The following DDAH1 variants were observed in gnomAD, a reference collection of about 807,000 sequenced individuals.
DDAH1 encodes the protein N(G),N(G)-dimethylarginine dimethylaminohydrolase 1.
A neutral mutation model predicts 28.8 loss-of-function variants in DDAH1; 19 were observed. The ratio of observed to expected loss-of-function variants is 0.66; its 90% CI spans 0.46 to 0.97. The LOEUF is 0.97. DDAH1 is among the 50% of genes least tolerant of loss of function. The probability of loss-of-function intolerance (pLI) is 0.00; values close to 1 mark genes in which losing one functional copy is unlikely to be tolerated. For synonymous variants in DDAH1, 153 were observed against 154.4 expected, an observed-to-expected ratio of 0.99 and a Z score of 0.07; for missense variants, 326 against 375.9, an observed-to-expected ratio of 0.87 and a Z score of 1.10.
At chr1:85,571,418 A>G (rs989984508) in intron 1 of DDAH1, among the ~76,000 whole-genome samples, 2 of 152,092 alleles carry the variant, frequency 1.3e-5, no homozygotes, top group African/African-American at 4.8e-5. Flanking sequence ...CACTAACAAG[A>G]CCTCACATCT....
intron 1 of DDAH1, among the ~76,000 whole-genome samples, chr1:85,394,695 T>G (rs898606174): frequency 2.6e-5 from 4 of 152,232 alleles, no homozygotes; most frequent in Admixed American, 2.6e-4. Flanking sequence ...AGTGGCCAGC[T>G]TTGTTTAACG....
At chr1:85,399,453 C>T (rs1651967866) in intron 1 of DDAH1, 1 of 152,224 alleles carries the variant, frequency 6.6e-6, no homozygotes. Flanking sequence ...GAAAGCATGA[C>T]TGAAAGGGGA....
At chr1:85,415,023 T>G (rs1652828965) in intron 1 of DDAH1, among the ~76,000 whole-genome samples, 2 of 136,130 alleles carry the variant, frequency 1.5e-5, no homozygotes, top group African/African-American at 5.6e-5. Flanking sequence ...TTTTTTTTTT[T>G]TTTTTTTTTG....
intron 1 of DDAH1, among the ~76,000 whole-genome samples, chr1:85,440,646 G>C (rs968841633): frequency 2.6e-5 from 4 of 152,144 alleles, no homozygotes; most frequent in Non-Finnish European, 5.9e-5. Flanking sequence ...CAGGGGCTTT[G>C]GTTTTTAATG....
intron 1 of DDAH1, among the ~76,000 whole-genome samples, chr1:85,463,430 G>T (rs1292549073): frequency 6.6e-6 from 1 of 152,202 alleles, no homozygotes; most frequent in Non-Finnish European, 1.5e-5. Flanking sequence ...GAACGCATTA[G>T]AAAGTATTCA....
chr1:85,356,591 A>C (rs1050012594), intron 2 of DDAH1, among the ~76,000 whole-genome samples: 9 of 152,248 alleles, frequency 5.9e-5, no homozygotes, highest in African/African-American at 2.2e-4. Flanking sequence ...GAAAAGTGAC[A>C]AGTAGAAAAT....
chr1:85,446,586 C>T (rs1654437281), intron 1 of DDAH1, among the ~76,000 whole-genome samples: 1 of 152,152 alleles, frequency 6.6e-6, no homozygotes. Context: ...CCTTTGGCAA[C>T]ATCACGCCAA....
At chr1:85,356,042 C>G (rs1274576995) in intron 2 of DDAH1, among the ~76,000 whole-genome samples, 3 of 152,162 alleles carry the variant, frequency 2.0e-5, no homozygotes, top group Non-Finnish European at 2.9e-5. Flanking sequence ...TACTTGAGGT[C>G]AGGGGAGAGG....
chr1:85,504,920 G>A (rs911833122), intron 1 of DDAH1, among the ~76,000 whole-genome samples: 1 of 147,666 alleles, frequency 6.8e-6, no homozygotes, highest in African/African-American at 2.5e-5. Flanking sequence ...CCAGGGAGGG[G>A]TCTGGTAAGC....
intron 1 of DDAH1, among the ~76,000 whole-genome samples, chr1:85,429,392 C>T (rs180914193): frequency 1.3e-4 from 20 of 152,318 alleles, no homozygotes; most frequent in Middle Eastern, 3.4e-3. Flanking sequence ...ATATGTGCCA[C>T]ATTTTCTTTA....
At chr1:85,408,073 T>C (rs1326567681) in intron 1 of DDAH1, among the ~76,000 whole-genome samples, 1 of 152,228 alleles carries the variant, frequency 6.6e-6, no homozygotes, top group Non-Finnish European at 1.5e-5. Context: ...TTAGACGCAT[T>C]GCACTACTTT....
chr1:85,486,879 T>C (rs1224985598), intron 2 of DDAH1, among the ~76,000 whole-genome samples: 1 of 152,224 alleles, frequency 6.6e-6, no homozygotes, highest in Non-Finnish European at 1.5e-5. Flanking sequence ...GGTAGAGAGA[T>C]AGGCTGAAGC....
chr1:85,527,978 T>C (rs1421666590), intron 1 of DDAH1, among the ~76,000 whole-genome samples: 2 of 152,178 alleles, frequency 1.3e-5, no homozygotes, highest in Admixed American at 1.3e-4. Context: ...ATTTGTAAAT[T>C]TGTTAAAGCT....
At chr1:85,568,756 CA>C (rs1659375295) in intron 1 of DDAH1, among the ~76,000 whole-genome samples, 1 of 152,126 alleles carries the variant, frequency 6.6e-6, no homozygotes, top group Admixed American at 6.6e-5. Context: ...TATATCCAAG[CA>C]GAGAAAAACA....
At chr1:85,555,329 G>C (rs1285514159) in intron 1 of DDAH1, among the ~76,000 whole-genome samples, 1 of 152,220 alleles carries the variant, frequency 6.6e-6, no homozygotes. Context: ...TTTATCGTCT[G>C]TCAGCCAAGT....
At position 85,476,965 on chromosome 1, in the gene DDAH1, A is replaced by G. The variant is rs1412176964; in HGVS notation, c.-7+19201T>C. On this transcript the variant is annotated intron_variant, in intron 2 of 6. Coordinates refer to the DDAH1 transcript ENST00000426972. ...CAGAGAGACAGCTATGAATCAAACC[A>G]TCACTAAATACTCACAAACTAAGTG... Among the ~76,000 whole-genome samples the G allele has an allele frequency of 3.3e-5, 5 of 152,202 alleles. No homozygotes were observed. The East Asian group carries it at 9.6e-4, about 29-fold the overall frequency.
intron 1 of DDAH1, among the ~76,000 whole-genome samples, chr1:85,368,636 G>A (rs2100879955): frequency 6.6e-6 from 1 of 152,194 alleles, no homozygotes; most frequent in East Asian, 1.9e-4. Flanking sequence ...CTGTCTGCAG[G>A]GGGCAAATAA....
intron 1 of DDAH1, among the ~76,000 whole-genome samples, chr1:85,499,619 G>A (rs1656723837): frequency 6.6e-6 from 1 of 150,668 alleles, no homozygotes; most frequent in South Asian, 2.1e-4. Context: ...AGGTTGCAGT[G>A]AGCCAAGATC....
chr1:85,341,842 C>CAA lies in DDAH1; in HGVS notation c.597+8571_597+8572dup, dbSNP rs34823363. ...ACAAAAACAAAGAGAAAAACAAAAA[C>CAA]AAAAAAAAACCCCAGATGTTCCATC... On this transcript the variant is annotated intron_variant, in intron 4 of 5. Transcript: ENST00000284031. Among the ~76,000 whole-genome samples the CAA allele has an allele frequency of 3.0e-3, 448 of 150,652 alleles. 2 individuals are homozygous for CAA. Among genetic ancestry groups the CAA allele is most frequent in the Non-Finnish European group, 4.6e-3 (311 of 67,584 alleles).
Sources: gnomAD v4.1 joint callset for allele counts (sites outside exome capture counted in the v4.1 genomes callset) on GRCh38, gnomAD v4.1.1 for gene constraint, MANE v1.5 for transcripts, NCBI Gene and HGNC (gene_info 2026-07-23, HGNC 2026-07-21) for gene names.